The following WDR4 variants were observed in gnomAD, a reference collection of about 807,000 sequenced individuals.
WDR4 encodes the protein tRNA (guanine-N(7)-)-methyltransferase non-catalytic subunit WDR4.
WDR4 carries 47 observed loss-of-function variants against 48.6 expected under a neutral mutation model. That is an observed-to-expected ratio of 0.97 (90% CI 0.77 to 1.23). WDR4 has a LOEUF of 1.23. Among genes scored for constraint, WDR4 ranks in the 50% most tolerant of loss-of-function variants. The pLI, the probability that WDR4 is intolerant of heterozygous loss-of-function variation, is 0.00. For synonymous variants in WDR4, 268 were observed against 230.0 expected (o/e 1.17, Z -1.49); for missense variants, 606 against 551.6 (o/e 1.10, Z -0.99).
intron 10 of WDR4, among the ~76,000 whole-genome samples, chr21:42,850,723 G>T (rs535551680): frequency 6.6e-6 from 1 of 152,174 alleles, no homozygotes; most frequent in Non-Finnish European, 1.5e-5. Flanking sequence ...AGCTGAGTCC[G>T]GACCCCTGAC....
Position 42,862,445 on chromosome 21 carries a change from G to A in WDR4, c.454-51C>T, listed in dbSNP as rs78695710. 669 of 1,501,266 alleles carry A rather than the reference G, an allele frequency of 4.5e-4. 3 individuals are homozygous for A. The African/African-American group carries it at 7.2e-3, about 16-fold the overall frequency. 93.0% of individuals were successfully genotyped at this position (1,501,266 alleles called of 1,614,324 possible). On this transcript the variant is annotated intron_variant, in intron 4 of 10. Coordinates refer to ENST00000398208, the MANE Select transcript of WDR4 (RefSeq NM_018669.6). The surrounding 1 kb of genome is among the most constrained non-coding windows in gnomAD (Gnocchi z 4.3). ...AAAAGCCGCTCACCTGAGTCTTCCC[G>A]AATCAAGTCCCTCATGGAAGAAGGC...
At chr21:42,869,793 T>G (rs2058328531) in intron 3 of WDR4, among the ~76,000 whole-genome samples, 1 of 152,162 alleles carries the variant, frequency 6.6e-6, no homozygotes, top group Non-Finnish European at 1.5e-5. Context: ...GTGGATCACC[T>G]GAGGTCAGGA....
intron 8 of WDR4, 26 bp downstream of exon 8, chr21:42,854,536 G>A: frequency 6.2e-7 from 1 of 1,606,972 alleles, no homozygotes; most frequent in East Asian, 2.2e-5. Context: ...AGAACCGGAG[G>A]CCATAGAGGT....
intron 6 of WDR4, 66 bp downstream of exon 6, chr21:42,859,596 C>A: frequency 1.7e-5 from 8 of 467,706 alleles, no homozygotes; most frequent in Admixed American, 5.9e-5. Flanking sequence ...GTCCAGGAGG[C>A]GCCCACCCCA....
intron 1 of WDR4, chr21:42,878,909 A>C: frequency 1.0e-6 from 1 of 966,310 alleles, no homozygotes; most frequent in Non-Finnish European, 1.2e-6. Flanking sequence ...CAGGCCGGGA[A>C]GAGGGAACAG....
chr21:42,882,317 C>T (rs914008085), upstream of WDR4, among the ~76,000 whole-genome samples: 1 of 151,328 alleles, frequency 6.6e-6, no homozygotes, highest in Non-Finnish European at 1.5e-5. Context: ...AATCCCAACA[C>T]TTTAGGAGGC....
chr21:42,850,562 G>A lies in WDR4; in HGVS notation c.1046-320C>T, dbSNP rs190243657. Among the ~76,000 whole-genome samples, 332 of 152,270 alleles carry A rather than the reference G, an allele frequency of 2.2e-3. 3 individuals are homozygous for A. Among genetic ancestry groups the A allele is most frequent in the African/African-American group, 7.3e-3 (304 of 41,546 alleles). The stretch of plus-strand genomic sequence containing the variant: ...GAAAGCCACTACTGCACCATGAGCC[G>A]CCCTGTGGAGGGGCCCAGGTGGCAG... On this transcript the variant is annotated intron_variant, in intron 10 of 10. Transcript: ENST00000398208.
chr21:42,873,018 A>G (rs746579598), intron 3 of WDR4, among the ~76,000 whole-genome samples: 7 of 152,220 alleles, frequency 4.6e-5, no homozygotes, highest in Non-Finnish European at 1.0e-4. Context: ...GCATAGCGAT[A>G]TCTCCCGTTC....
At chr21:42,880,384 A>G (rs2058598142), upstream of WDR4, among the ~76,000 whole-genome samples, 1 of 152,174 alleles carries the variant, frequency 6.6e-6, no homozygotes, top group East Asian at 1.9e-4. Flanking sequence ...TCTGTTTTAG[A>G]TTGGCTTGTC....
intron 10 of WDR4, among the ~76,000 whole-genome samples, chr21:42,850,620 CAG>C (rs1407504925): frequency 1.3e-5 from 2 of 152,142 alleles, no homozygotes; most frequent in Admixed American, 1.3e-4. Context: ...GGCCAACAGC[CAG>C]AGAGGCCCCC....
upstream of WDR4, among the ~76,000 whole-genome samples, chr21:42,881,131 C>A (rs892529394): frequency 1.3e-5 from 2 of 152,228 alleles, no homozygotes; most frequent in African/African-American, 4.8e-5. Flanking sequence ...TGTTCTGGAT[C>A]TCCTGACCTT....
intron 2 of WDR4, among the ~76,000 whole-genome samples, chr21:42,874,181 T>C (rs1256493105): frequency 6.6e-6 from 1 of 152,210 alleles, no homozygotes; most frequent in East Asian, 1.9e-4. Context: ...CCCAAATTAA[T>C]ACTTTTATAA....
At chr21:42,849,218 G>C, downstream of WDR4, 1 of 152,762 alleles carries the variant, frequency 6.5e-6, no homozygotes, top group Non-Finnish European at 1.5e-5. Context: ...CACAGCGCAG[G>C]CACCAAGGAG....
chr21:42,862,635 T>G lies in WDR4; in HGVS notation c.454-241A>C, dbSNP rs2058145494. 6.6e-6 allele frequency among the ~76,000 whole-genome samples: 1 copy of G among 152,126 alleles called. No homozygotes were observed. Among genetic ancestry groups the G allele is most frequent in the Admixed American group, 6.5e-5 (1 of 15,278 alleles). The stretch of plus-strand genomic sequence containing the variant: ...TCACTCCTCAGTGCTAGAGCAGGCT[T>G]CTGGGGTGGGGCAGTGCCACCCCTG... On this transcript the variant is annotated intron_variant, in intron 4 of 10. Coordinates refer to ENST00000398208, the MANE Select transcript of WDR4 (RefSeq NM_018669.6). The surrounding 1 kb of genome is among the most constrained non-coding windows in gnomAD (Gnocchi z 4.3).
chr21:42,845,908 G>A (rs1462235631), downstream of WDR4, among the ~76,000 whole-genome samples: 1 of 152,178 alleles, frequency 6.6e-6, no homozygotes, highest in East Asian at 1.9e-4. Flanking sequence ...TAAGGCAGGA[G>A]GACTGCTTGA....
At chr21:42,855,908 T>A in intron 6 of WDR4, 128 bp from the exon 7 acceptor site, 2 of 609,038 alleles carry the variant, frequency 3.3e-6, no homozygotes, top group Non-Finnish European at 5.4e-6. Flanking sequence ...CCTCAGGAAT[T>A]AAAGGCTCTC....
intron 5 of WDR4, among the ~76,000 whole-genome samples, chr21:42,860,584 G>T (rs577980415): frequency 1.3e-5 from 2 of 152,350 alleles, no homozygotes; most frequent in South Asian, 4.1e-4. Flanking sequence ...GCCATCGCGT[G>T]AGCCGGGCCC....
rs564918733 is a variant in WDR4 at position 42,870,745 on chromosome 21, C to T, written c.296+2806G>A. ...CAGAGGTTGCAGTGAGCTGAGATCA[C>T]GCCATTGCACTCCAGCCTGGGAAAC... On this transcript the variant is annotated intron_variant, in intron 3 of 10. Transcript: ENST00000398208. Among the ~76,000 whole-genome samples the T allele has an allele frequency of 4.0e-5, 6 of 151,606 alleles. No individual in the cohort carries two copies. In the South Asian group the frequency reaches 1.0e-3, roughly 26 times the overall value.
chr21:42,876,232 G>C (rs182310937), intron 2 of WDR4, among the ~76,000 whole-genome samples: 1 of 29,272 alleles, frequency 3.4e-5, no homozygotes, highest in Non-Finnish European at 7.7e-5. Context: ...TTTTTTTTGG[G>C]AGACAGAGTC....
Sources: allele counts gnomAD v4.1 joint callset (sites outside exome capture counted in the v4.1 genomes callset), GRCh38; gene constraint gnomAD v4.1.1; non-coding constraint Gnocchi (gnomAD v3.1); transcripts MANE v1.5; gene names NCBI Gene and HGNC (gene_info 2026-07-23, HGNC 2026-07-21).